EIF4B: variants seen among roughly 807,000 people sequenced by gnomAD.
EIF4B encodes the protein eukaryotic translation initiation factor 4B.
In EIF4B, 8 loss-of-function variants were observed where a neutral mutation model predicts 79.3. The observed-to-expected ratio is 0.10, with a 90% CI of 0.06 to 0.18. The LOEUF (loss-of-function observed/expected upper bound fraction) is 0.18, where lower values mean the gene tolerates loss of function less well. Among genes scored for constraint, EIF4B ranks in the 10% least tolerant of loss-of-function variants. The pLI, the probability that EIF4B is intolerant of heterozygous loss-of-function variation, is 1.00. For missense variants in EIF4B, 515 were observed against 792.4 expected (o/e 0.65, Z 4.20); for synonymous variants, 238 against 274.7 (o/e 0.87, Z 1.32).
intron 1 of EIF4B, among the ~76,000 whole-genome samples, chr12:53,012,590 T>C (rs1943082743): frequency 6.6e-6 from 1 of 151,540 alleles, no homozygotes; most frequent in South Asian, 2.1e-4. Flanking sequence ...AATTTCTTTT[T>C]TTTTTCCTTT....
intron 1 of EIF4B, among the ~76,000 whole-genome samples, chr12:53,014,086 C>G (rs969420062): frequency 6.6e-6 from 1 of 151,558 alleles, no homozygotes; most frequent in Non-Finnish European, 1.5e-5. Context: ...TGCTTGAGCC[C>G]AAAAGGTCAA....
intron 1 of EIF4B, among the ~76,000 whole-genome samples, chr12:53,010,375 A>G (rs1009331765): frequency 2.6e-5 from 4 of 152,276 alleles, no homozygotes; most frequent in East Asian, 3.9e-4. Context: ...TGACTTTACA[A>G]TGGGTTTATC....
chr12:53,006,503 G>A lies in EIF4B; in HGVS notation c.13+7G>A. ...CCCAACATGGCGGCCTCAGGTGAGC[G>A]AGCAGCCGAGCGCGGCCAAGGACTG... On this transcript the variant is annotated splice_region_variant and intron_variant, in intron 1 of 14. Coordinates refer to ENST00000262056, the MANE Select transcript of EIF4B (RefSeq NM_001417.7). 4 of 1,613,560 alleles carry A rather than the reference G, an allele frequency of 2.5e-6. No homozygotes were observed. Among genetic ancestry groups the A allele is most frequent in the East Asian group, 2.2e-5 (1 of 44,872 alleles).
intron 1 of EIF4B, among the ~76,000 whole-genome samples, chr12:53,009,922 A>G (rs933589284): frequency 2.0e-5 from 3 of 152,256 alleles, no homozygotes; most frequent in Non-Finnish European, 4.4e-5. Context: ...TCGTGATGGT[A>G]GAGGAAATAA....
chr12:53,039,949 T>G, intron 14 of EIF4B, 194 bp from the exon 15 acceptor site: 2 of 713,358 alleles, frequency 2.8e-6, no homozygotes, highest in Non-Finnish European at 4.6e-6. Flanking sequence ...AGAGGTGGTA[T>G]GAGACTATAG....
chr12:53,015,853 C>CTG (rs1943140793), intron 1 of EIF4B, among the ~76,000 whole-genome samples: 1 of 151,852 alleles, frequency 6.6e-6, no homozygotes, highest in Admixed American at 6.6e-5. Flanking sequence ...TGGCGGGTGC[C>CTG]TGTAATCCCA....
In EIF4B at chr12:53,018,737, GT is replaced by G; in HGVS notation, c.152-59del. The stretch of plus-strand genomic sequence containing the variant: ...TTTGGCAATTAACATGGGTCCTCTT[GT>G]TCTATGACAGTAGTGAGAGAAGTTT... On this transcript the variant is annotated intron_variant, in intron 2 of 14. Coordinates refer to ENST00000262056, the MANE Select transcript of EIF4B (RefSeq NM_001417.7). 9 of 1,590,334 alleles carry G rather than the reference GT, an allele frequency of 5.7e-6. No individual in the cohort carries two copies. In the East Asian group the frequency reaches 1.1e-4, roughly 20 times the overall value.
chr12:53,032,903 T>C (rs1312329713), intron 8 of EIF4B, among the ~76,000 whole-genome samples: 1 of 152,180 alleles, frequency 6.6e-6, no homozygotes, highest in African/African-American at 2.4e-5. Flanking sequence ...ACTCCTGATC[T>C]CAGGTGATCC....
At chr12:53,026,434 TAAAC>T (rs1378288883) in intron 6 of EIF4B, among the ~76,000 whole-genome samples, 6 of 152,118 alleles carry the variant, frequency 3.9e-5, no homozygotes, top group Non-Finnish European at 7.3e-5. Flanking sequence ...GTTTATAACA[TAAAC>T]AACATTGCAA....
rs1355893485 is a variant in EIF4B, at chr12:53,039,254, T to C, written c.1593T>C (p.Asp531=). Residue 531 remains aspartate (D), a synonymous_variant, in exon 13 of 15, where the codon GAT becomes GAC. Transcript: ENST00000262056. ...CCCAAGCAGATGAAAATAAAGTAGA[T>C]GGGATGAATGCCCCAAAAGGCCAAA... The part of the protein sequence containing the change: ...GPGRKDENKV[D]GMNAPKGQTG... 6.8e-5 allele frequency: 110 copies of C among 1,608,210 alleles called. 1 individual carries two copies. The highest frequency in any genetic ancestry group is 8.3e-5 in the Non-Finnish European group (98 of 1,176,662).
intron 6 of EIF4B, among the ~76,000 whole-genome samples, chr12:53,024,424 G>C (rs975534420): frequency 2.0e-5 from 3 of 152,146 alleles, no homozygotes; most frequent in Non-Finnish European, 4.4e-5. Flanking sequence ...AAATTATAAA[G>C]CTACGCATGG....
intron 10 of EIF4B, among the ~76,000 whole-genome samples, chr12:53,035,620 G>T (rs1337794104): frequency 6.6e-6 from 1 of 151,774 alleles, no homozygotes; most frequent in African/African-American, 2.4e-5. Context: ...CACCCGACTC[G>T]GCCTCCCAAA....
intron 14 of EIF4B, 36 bp from the exon 15 acceptor site, chr12:53,040,107 G>A (rs1360096419): frequency 3.1e-6 from 5 of 1,611,334 alleles, no homozygotes; most frequent in Non-Finnish European, 4.2e-6. Context: ...GATAATTCAG[G>A]GCCTTCATTA....
chr12:53,024,027 A>G (rs761279391), intron 6 of EIF4B, among the ~76,000 whole-genome samples: 10 of 152,258 alleles, frequency 6.6e-5, no homozygotes, highest in Non-Finnish European at 1.3e-4. Context: ...GAACAAAAAC[A>G]AGAAAATCCT....
At chr12:53,008,382 G>C (rs896839495) in intron 1 of EIF4B, among the ~76,000 whole-genome samples, 3 of 152,150 alleles carry the variant, frequency 2.0e-5, no homozygotes, top group African/African-American at 4.8e-5. Context: ...GCTGGTACTG[G>C]TATCTGAGCA....
chr12:53,022,204 G>C, intron 5 of EIF4B: 1 of 672,196 alleles, frequency 1.5e-6, no homozygotes, highest in Non-Finnish European at 2.7e-6. Flanking sequence ...TAGATTAGCT[G>C]CCTAACAGCA....
intron 14 of EIF4B, chr12:53,039,936 T>C (rs1943603280): frequency 4.2e-6 from 3 of 708,222 alleles, no homozygotes; most frequent in South Asian, 1.9e-5. Flanking sequence ...TTCTGCAAGG[T>C]GTAGAGGTGG....
chr12:53,016,329 C>G, intron 1 of EIF4B, 144 bp from the exon 2 acceptor site: 1 of 1,031,456 alleles, frequency 9.7e-7, no homozygotes, highest in Admixed American at 2.8e-5. Flanking sequence ...CTGCATAGTA[C>G]CCCTTCATGG....
intron 3 of EIF4B, among the ~76,000 whole-genome samples, chr12:53,019,445 T>TTC (rs1359655664): frequency 1.4e-4 from 16 of 111,276 alleles, no homozygotes; most frequent in South Asian, 9.8e-4. Context: ...ATATTTTTTT[T>TTC]TTTTCTTTTT....
Sources: allele counts gnomAD v4.1 joint callset (sites outside exome capture counted in the v4.1 genomes callset), GRCh38; gene constraint gnomAD v4.1.1; transcripts MANE v1.5; gene names NCBI Gene and HGNC (gene_info 2026-07-23, HGNC 2026-07-21).